Variants in MROH9 observed in about 807,000 individuals in gnomAD.
MROH9 encodes the protein maestro heat-like repeat-containing protein family member 9.
Under a neutral mutation model 98.2 loss-of-function variants are expected in MROH9, and 92 were observed. The ratio of observed to expected loss-of-function variants is 0.94; its 90% confidence interval spans 0.79 to 1.11. MROH9 has a LOEUF of 1.11. Ranked by LOEUF, MROH9 falls within the 50% of genes most tolerant of loss-of-function variation. The pLI is 0.00. For missense variants in MROH9, 1,057 were observed against 1,014.8 expected (o/e 1.04, Z -0.57); for synonymous variants, 397 against 368.9 (o/e 1.08, Z -0.87).
At position 171,016,198 on chromosome 1, in the gene MROH9, G is replaced by A. The variant is rs1652321456; in HGVS notation, c.1770G>A (p.Leu590=). ...ENVSSILIAI[L]DAFLSKDDNV... is the part of the protein sequence containing the mutation. ...TCAGCAGTATATTAATAGCCATCCT[G>A]GATGCCTTCCTTTCCAAAGACGATA... Residue 590 remains leucine, a synonymous_variant, in exon 17 of 22, where the codon CTG becomes CTA. Coordinates refer to ENST00000367759, the MANE Select transcript of MROH9 (RefSeq NM_001163629.2). 6.5e-7 allele frequency: 1 copy of A among 1,532,694 alleles called. No individual in the cohort carries two copies. The highest frequency in any genetic ancestry group is 8.8e-7 in the Non-Finnish European group (1 of 1,139,200). The allele number at this position is 1,532,694 out of a possible 1,614,324, so 94.9% of individuals were successfully genotyped here. A position where few individuals can be genotyped will look rare whatever the true frequency, so the allele number is the denominator to read the frequency against.
chr1:171,062,953 TA>T (rs1489231087), intron 21 of MROH9, among the ~76,000 whole-genome samples: 3 of 152,172 alleles, frequency 2.0e-5, no homozygotes, highest in Non-Finnish European at 4.4e-5. Context: ...TTCATGGACC[TA>T]CATTTATACA....
Position 170,992,867 on chromosome 1 carries a change from A to G in MROH9, c.1194+538A>G, listed in dbSNP as rs148441065. Among the ~76,000 whole-genome samples the G allele has an allele frequency of 5.0e-3, 764 of 152,292 alleles. 4 individuals carry two copies. The highest frequency in any genetic ancestry group is 9.0e-3 in the Non-Finnish European group (611 of 68,016). ...TATGAGAGAAGTAACCACTGGCTAG[A>G]TCATGTAGGCGTTTGTAGTCATGGA... On this transcript the variant is annotated intron_variant, in intron 12 of 21. Coordinates refer to ENST00000367759, the MANE Select transcript of MROH9 (RefSeq NM_001163629.2).
chr1:171,029,898 G>A (rs1652850542), intron 20 of MROH9, among the ~76,000 whole-genome samples: 1 of 152,196 alleles, frequency 6.6e-6, no homozygotes, highest in Non-Finnish European at 1.5e-5. Context: ...GTTTCTGGTA[G>A]AATTCAACTG....
chr1:171,014,919 TC>T (rs1374027085), intron 16 of MROH9: 22 of 467,664 alleles, frequency 4.7e-5, no homozygotes, highest in African/African-American at 8.0e-5. Context: ...GTTTTAAAGG[TC>T]CTCCAGGTGA....
chr1:170,985,732 T>G (rs1166845027), intron 9 of MROH9, among the ~76,000 whole-genome samples: 1 of 150,590 alleles, frequency 6.6e-6, no homozygotes, highest in Non-Finnish European at 1.5e-5. Context: ...TCAGCCCCCC[T>G]CTCCAAGCCT....
chr1:170,987,743 A>G lies in MROH9; in HGVS notation c.879+1033A>G, dbSNP rs1651206289. The stretch of plus-strand genomic sequence containing the variant: ...TTCTTTCCAAAAGGGTGGAAACACT[A>G]TGTAAAACTAGCTCGACTTTTAAAA... On this transcript the variant is annotated intron_variant, in intron 10 of 21. Transcript: ENST00000367759. Among the ~76,000 whole-genome samples the G allele has an allele frequency of 1.3e-5, 2 of 152,222 alleles. 1 individual carries two copies. Among genetic ancestry groups the G allele is most frequent in the South Asian group, 4.1e-4 (2 of 4,834 alleles).
At chr1:170,948,194 C>T (rs1649408790) in intron 3 of MROH9, among the ~76,000 whole-genome samples, 1 of 151,936 alleles carries the variant, frequency 6.6e-6, no homozygotes, top group African/African-American at 2.4e-5. Flanking sequence ...ATAGACCCTA[C>T]CATCATTTTA....
intron 20 of MROH9, among the ~76,000 whole-genome samples, chr1:171,060,188 A>C (rs1355742132): frequency 6.6e-6 from 1 of 152,186 alleles, no homozygotes; most frequent in African/African-American, 2.4e-5. Flanking sequence ...TACCAATACA[A>C]TAGCACCAAA....
chr1:170,998,370 T>A, intron 15 of MROH9, 96 bp downstream of exon 15: 1 of 1,611,462 alleles, frequency 6.2e-7, no homozygotes, highest in African/African-American at 1.3e-5. Flanking sequence ...TCCCTCTGAA[T>A]GTTGGTTCTT....
intron 20 of MROH9, among the ~76,000 whole-genome samples, chr1:171,051,327 T>G (rs1356478955): frequency 1.3e-5 from 2 of 151,688 alleles, no homozygotes; most frequent in African/African-American, 4.8e-5. Context: ...AGCAAAGACA[T>G]AGAATAAGCC....
At chr1:170,974,999 T>C (rs942847090) in intron 8 of MROH9, among the ~76,000 whole-genome samples, 2 of 151,950 alleles carry the variant, frequency 1.3e-5, no homozygotes, top group African/African-American at 2.4e-5. Context: ...CAAAAAGTTA[T>C]ATATATTAAG....
chr1:171,012,884 C>A (rs1291551147), intron 15 of MROH9, among the ~76,000 whole-genome samples: 3 of 152,150 alleles, frequency 2.0e-5, no homozygotes, highest in African/African-American at 7.2e-5. Context: ...TCATGATACT[C>A]ATGTCTTCAC....
intron 21 of MROH9, 118 bp downstream of exon 21, chr1:171,062,312 G>A (rs1654040109): frequency 1.5e-6 from 1 of 661,568 alleles, no homozygotes; most frequent in African/African-American, 1.8e-5. Flanking sequence ...AGAGGGTGGT[G>A]GTAGTAGTAG....
At chr1:171,042,361 A>G (rs1280579362) in intron 20 of MROH9, among the ~76,000 whole-genome samples, 1 of 152,038 alleles carries the variant, frequency 6.6e-6, no homozygotes, top group Non-Finnish European at 1.5e-5. Context: ...GTGTATGTGT[A>G]TGTACCACAT....
intron 14 of MROH9, 77 bp downstream of exon 14, chr1:170,996,721 G>A: frequency 5.7e-6 from 8 of 1,398,982 alleles, no homozygotes; most frequent in Non-Finnish European, 6.9e-6. Context: ...AGCCATGCGG[G>A]AACAAGATAG....
intron 20 of MROH9, among the ~76,000 whole-genome samples, chr1:171,027,286 T>A (rs28488998): frequency 6.6e-6 from 1 of 152,018 alleles, no homozygotes; most frequent in Non-Finnish European, 1.5e-5. Flanking sequence ...CTCCCACTTA[T>A]GAGTGAGAAC....
intron 15 of MROH9, among the ~76,000 whole-genome samples, chr1:171,010,795 G>T (rs1489285385): frequency 6.6e-6 from 1 of 151,554 alleles, no homozygotes; most frequent in Non-Finnish European, 1.5e-5. Context: ...TTTTTGTTTT[G>T]GTTTTTTTTG....
intron 3 of MROH9, 144 bp downstream of exon 3, chr1:170,947,717 T>TA (rs2101873559): frequency 1.5e-6 from 1 of 673,550 alleles, no homozygotes; most frequent in African/African-American, 1.9e-5. Context: ...GCAATTTGGT[T>TA]AAAAATTGTT....
intron 20 of MROH9, among the ~76,000 whole-genome samples, chr1:171,059,143 G>GAA (rs147879572): frequency 6.6e-6 from 1 of 151,828 alleles, no homozygotes; most frequent in African/African-American, 2.4e-5. Context: ...AAATTTACAA[G>GAA]AAAAAAACAA....
Sources: allele counts gnomAD v4.1 joint callset (sites outside exome capture counted in the v4.1 genomes callset), GRCh38; gene constraint gnomAD v4.1.1; transcripts MANE v1.5; gene names NCBI Gene and HGNC (gene_info 2026-07-23, HGNC 2026-07-21).